CERKL: variants seen among roughly 807,000 people sequenced by gnomAD.
CERKL encodes CERK like autophagy regulator, also known as ceramide kinase-like protein.
In CERKL, 61 loss-of-function variants were observed where a neutral mutation model predicts 63.4. The ratio of observed to expected loss-of-function variants is 0.96; its 90% CI spans 0.78 to 1.19. The LOEUF (loss-of-function observed/expected upper bound fraction) is 1.19, where lower values mean the gene tolerates loss of function less well. Among genes scored for constraint, CERKL ranks in the 50% most tolerant of loss-of-function variants. The pLI, the probability that CERKL is intolerant of heterozygous loss-of-function variation, is 0.00. For missense variants in CERKL, 675 were observed against 655.5 expected, an observed-to-expected ratio of 1.03 and a Z score of -0.33; for synonymous variants, 250 against 230.5, an observed-to-expected ratio of 1.08 and a Z score of -0.77.
intron 10 of CERKL, among the ~76,000 whole-genome samples, chr2:181,546,169 C>A: frequency 6.6e-6 from 1 of 152,116 alleles, no homozygotes. Context: ...TCATCCTTCT[C>A]TGAAAAATTC....
rs917262541 is a variant in CERKL at position 181,548,269 on chromosome 2, A to C, written c.1133+276T>G. On this transcript the variant is annotated intron_variant, in intron 8 of 12. Coordinates refer to ENST00000410087, the MANE Select transcript of CERKL (RefSeq NM_201548.5). Reference sequence around the variant, plus strand: ...AAAAGGAAAGAAAGGGAAAAAAACAAAGGAAAGGAAAGAAAGGGGAAGGGA... The same window carrying C: ...AAAAGGAAAGAAAGGGAAAAAAACACAGGAAAGGAAAGAAAGGGGAAGGGA... 7.7e-6 allele frequency: 4 copies of C among 522,236 alleles called. No homozygotes were observed. In the East Asian group the frequency reaches 9.9e-5, roughly 13 times the overall value. 32.4% of individuals were successfully genotyped at this position (522,236 alleles called of 1,614,324 possible). A position where few individuals can be genotyped will look rare whatever the true frequency, so the allele number is the denominator to read the frequency against.
intron 2 of CERKL, among the ~76,000 whole-genome samples, chr2:181,587,251 A>T (rs1428778327): frequency 6.6e-6 from 1 of 152,198 alleles, no homozygotes; most frequent in Non-Finnish European, 1.5e-5. Flanking sequence ...AAAGCCATGT[A>T]ACTTCTAAAT....
chr2:181,645,617 G>A (rs565829375), intron 1 of CERKL, among the ~76,000 whole-genome samples: 1 of 152,308 alleles, frequency 6.6e-6, no homozygotes, highest in Admixed American at 6.5e-5. Context: ...TGAGGCAAAG[G>A]CCACAGCTCC....
chr2:181,544,266 T>C (rs373241259), intron 11 of CERKL, among the ~76,000 whole-genome samples: 7 of 152,348 alleles, frequency 4.6e-5, no homozygotes, highest in African/African-American at 9.6e-5. Flanking sequence ...TATCTACAGA[T>C]CTATTTCAAT....
intron 1 of CERKL, among the ~76,000 whole-genome samples, chr2:181,604,411 A>G (rs1685591971): frequency 1.3e-5 from 2 of 152,214 alleles, no homozygotes. Context: ...TTGTAATTTT[A>G]TGGATTGCCC....
chr2:181,573,991 A>G, intron 2 of CERKL, 107 bp from the exon 3 acceptor site: 1 of 938,664 alleles, frequency 1.1e-6, no homozygotes, highest in East Asian at 2.5e-5. Context: ...GCATTTAAAT[A>G]GTATTTGCTA....
In CERKL at chr2:181,656,193, G is replaced by A. The variant is rs116744743; in HGVS notation, c.238+576C>T. Among the ~76,000 whole-genome samples the A allele has an allele frequency of 4.4e-3, 666 of 152,196 alleles. 2 individuals carry two copies. The highest frequency in any genetic ancestry group is 7.7e-3 in the Non-Finnish European group (524 of 68,014). ...ATTAAAAATCAAAAGTTTCTAGACC[G>A]AGCCTGAAGAAGTCTTAATTCTAGA... On this transcript the variant is annotated intron_variant, in intron 1 of 12. Transcript: ENST00000410087.
chr2:181,536,849 A>C lies in CERKL; in HGVS notation c.*1335T>G. 2.4e-6 allele frequency: 1 copy of C among 424,192 alleles called. No homozygotes were observed. The allele number at this position is 424,192 out of a possible 1,614,324, so 26.3% of individuals were successfully genotyped here. On this transcript the variant is annotated 3_prime_UTR_variant, in exon 13 of 13. Coordinates refer to ENST00000410087, the MANE Select transcript of CERKL (RefSeq NM_201548.5). ...TTTTATCTGACTCTGCCTTCATAAGAGAGCTGTGGCCGAATTTTGAACATC... is the reference window on the plus strand; with the variant it reads ...TTTTATCTGACTCTGCCTTCATAAGCGAGCTGTGGCCGAATTTTGAACATC...
At chr2:181,570,763 A>T (rs908773433) in intron 3 of CERKL, among the ~76,000 whole-genome samples, 1 of 152,296 alleles carries the variant, frequency 6.6e-6, no homozygotes, top group African/African-American at 2.4e-5. Flanking sequence ...TAAATTTATG[A>T]AAAAATTACA....
intron 2 of CERKL, among the ~76,000 whole-genome samples, chr2:181,596,221 T>C (rs955123929): frequency 1.3e-5 from 2 of 152,210 alleles, no homozygotes; most frequent in East Asian, 1.9e-4. Context: ...ACTTCTTAAC[T>C]CTTATTCTCA....
At chr2:181,649,574 A>G (rs1687813846) in intron 1 of CERKL, 1 of 152,252 alleles carries the variant, frequency 6.6e-6, no homozygotes, top group African/African-American at 2.4e-5. Context: ...CCTAGCAGAC[A>G]CTTACAGAAC....
chr2:181,573,747 ACT>A lies in CERKL; in HGVS notation c.613+4_613+5del, dbSNP rs766131721. On this transcript the variant is annotated splice_donor_5th_base_variant and intron_variant, in intron 3 of 12. Coordinates refer to ENST00000410087, the MANE Select transcript of CERKL (RefSeq NM_201548.5). Reference sequence around the variant, plus strand: ...ATGGTGAAATTATATTCTGAAAATTACTTACTTGTTACATCAGTTTTTATTCC... The same window carrying A: ...ATGGTGAAATTATATTCTGAAAATTATACTTGTTACATCAGTTTTTATTCC... 7 of 1,610,724 alleles carry A rather than the reference ACT, an allele frequency of 4.3e-6. No homozygotes were observed. Among genetic ancestry groups the A allele is most frequent in the Non-Finnish European group, 5.1e-6 (6 of 1,177,682 alleles).
Position 181,537,646 on chromosome 2 carries a change from G to A in CERKL, c.*538C>T, listed in dbSNP as rs1277046079. 2.3e-6 allele frequency: 1 copy of A among 434,718 alleles called. No homozygotes were observed. The highest frequency in any genetic ancestry group is 4.5e-6 in the Non-Finnish European group (1 of 220,510). The allele number at this position is 434,718 out of a possible 1,614,324, so 26.9% of individuals were successfully genotyped here. A position where few individuals can be genotyped will look rare whatever the true frequency, so the allele number is the denominator to read the frequency against. On this transcript the variant is annotated 3_prime_UTR_variant, in exon 13 of 13. Coordinates refer to ENST00000410087, the MANE Select transcript of CERKL (RefSeq NM_201548.5). The stretch of plus-strand genomic sequence containing the variant: ...TTGATGAGCTCAAATCCTGAAAAAT[G>A]AAAGAATCCAAATTATTTCAGAATT...
At chr2:181,610,350 G>A (rs1685911385) in intron 1 of CERKL, among the ~76,000 whole-genome samples, 1 of 152,192 alleles carries the variant, frequency 6.6e-6, no homozygotes, top group South Asian at 2.1e-4. Context: ...CTAAATGATG[G>A]TGCAACTAAA....
chr2:181,569,073 C>G (rs1688792623), intron 3 of CERKL, among the ~76,000 whole-genome samples: 1 of 152,104 alleles, frequency 6.6e-6, no homozygotes, highest in Non-Finnish European at 1.5e-5. Flanking sequence ...GCCAGAATAA[C>G]CATTTTCAGA....
chr2:181,655,932 AGAC>A lies in CERKL; in HGVS notation c.238+834_238+836del, dbSNP rs555223729. Among the ~76,000 whole-genome samples the A allele has an allele frequency of 3.2e-3, 487 of 152,328 alleles. 2 individuals carry two copies. The highest frequency in any genetic ancestry group is 0.011 in the African/African-American group (439 of 41,574). Reference sequence around the variant, plus strand: ...TTTCTCGAGTTTGGACTTAGAAATAAGACTATATGAAAGTCTACTTATAAGACT... The same window carrying A: ...TTTCTCGAGTTTGGACTTAGAAATAATATATGAAAGTCTACTTATAAGACT... On this transcript the variant is annotated intron_variant, in intron 1 of 12. Transcript: ENST00000410087.
chr2:181,636,125 C>G (rs750964895), intron 1 of CERKL, among the ~76,000 whole-genome samples: 1 of 152,184 alleles, frequency 6.6e-6, no homozygotes, highest in Non-Finnish European at 1.5e-5. Flanking sequence ...TACTTCCCTT[C>G]TGTTTACATA....
chr2:181,626,026 TTACAGATTGTGAGGAAGGACAGATAA>T (rs1559112460), intron 1 of CERKL, among the ~76,000 whole-genome samples: 8 of 152,106 alleles, frequency 5.3e-5, no homozygotes, highest in African/African-American at 1.9e-4. Context: ...TGATCCCATT[TTACAGATTGTGAGGAAGGACAGATAA>T]GCTTAGAGTT....
chr2:181,639,650 C>T (rs1202027441), intron 1 of CERKL, among the ~76,000 whole-genome samples: 1 of 152,168 alleles, frequency 6.6e-6, no homozygotes, highest in Non-Finnish European at 1.5e-5. Context: ...GTCAGATAGA[C>T]TCTTGCTTGC....
Sources: gnomAD v4.1 joint callset for allele counts (sites outside exome capture counted in the v4.1 genomes callset) on GRCh38, gnomAD v4.1.1 for gene constraint, MANE v1.5 for transcripts, NCBI Gene and HGNC (gene_info 2026-07-23, HGNC 2026-07-21) for gene names.